Variants in KCTD1 observed in about 807,000 individuals in gnomAD.
KCTD1 encodes the protein potassium channel tetramerization domain containing 1.
KCTD1 carries 24 observed loss-of-function variants against 66.0 expected under a neutral mutation model. That is an observed-to-expected ratio of 0.36 (90% CI 0.26 to 0.51). The LOEUF (loss-of-function observed/expected upper bound fraction) is 0.51, where lower values mean the gene tolerates loss of function less well. KCTD1 is among the 20% of genes least tolerant of loss of function. The pLI is 0.95. For synonymous variants in KCTD1, 511 were observed against 517.2 expected, an observed-to-expected ratio of 0.99 and a Z score of 0.16; for missense variants, 943 against 1,205.2, an observed-to-expected ratio of 0.78 and a Z score of 3.22.
chr18:26,548,715 A>C, upstream of KCTD1: 34 of 498,962 alleles, frequency 6.8e-5, no homozygotes, highest in East Asian at 4.9e-4. Flanking sequence ...CGCGCAGGGG[A>C]TGGAGGGGAG....
chr18:26,632,214 C>A (rs1987636193), upstream of KCTD1, among the ~76,000 whole-genome samples: 1 of 151,828 alleles, frequency 6.6e-6, no homozygotes, highest in South Asian at 2.1e-4. Flanking sequence ...GTGAAACCCC[C>A]TCTCTACTAA....
chr18:26,627,262 T>TTGTGTG (rs59902249), intron 1 of KCTD1, among the ~76,000 whole-genome samples: 2,101 of 146,004 alleles, frequency 0.014, 33 homozygotes, highest in African/African-American at 0.037. Flanking sequence ...CTTCTGGGTT[T>TTGTGTG]TGTGTGTGTG....
intron 3 of KCTD1, among the ~76,000 whole-genome samples, chr18:26,473,455 CAA>C (rs1981176263): frequency 1.3e-5 from 2 of 151,996 alleles, no homozygotes; most frequent in African/African-American, 4.8e-5. Flanking sequence ...CTAATGCATG[CAA>C]GGCTTAATAC....
intron 1 of KCTD1, among the ~76,000 whole-genome samples, chr18:26,570,296 T>G (rs1040141498): frequency 2.0e-5 from 3 of 151,746 alleles, no homozygotes; most frequent in African/African-American, 7.3e-5. Flanking sequence ...AAAAGGCTTC[T>G]CATTGGGGGA....
chr18:26,565,630 G>C lies in KCTD1; in HGVS notation c.-16+63517C>G, dbSNP rs188460182. On this transcript the variant is annotated intron_variant, in intron 1 of 4. Transcript: ENST00000317932. Reference sequence around the variant, plus strand: ...CTTACTTTTCTGGATGAATTAGACTGTCTTTAATTTGCTGCTTGATGCTTG... The same window carrying C: ...CTTACTTTTCTGGATGAATTAGACTCTCTTTAATTTGCTGCTTGATGCTTG... 1.7e-3 allele frequency: 263 copies of C among 151,934 alleles called. 2 individuals carry two copies. Among genetic ancestry groups the C allele is most frequent in the African/African-American group, 5.7e-3 (237 of 41,450 alleles). The allele number at this position is 151,934 out of a possible 1,614,324, so 9.4% of individuals were successfully genotyped here. A position where few individuals can be genotyped will look rare whatever the true frequency, so the allele number is the denominator to read the frequency against.
At chr18:26,549,229 G>A (rs981653435), upstream of KCTD1, 46 of 986,362 alleles carry the variant, frequency 4.7e-5, no homozygotes, top group African/African-American at 7.7e-4. Flanking sequence ...CGGCGGCGGC[G>A]GCTCCCCCAC....
chr18:26,490,195 T>G (rs1982124974), intron 2 of KCTD1, among the ~76,000 whole-genome samples: 1 of 152,184 alleles, frequency 6.6e-6, no homozygotes. Context: ...CTCACCACCT[T>G]TCTCTGCAGC....
intron 2 of KCTD1, among the ~76,000 whole-genome samples, chr18:26,491,986 C>T (rs559498929): frequency 2.6e-5 from 4 of 152,138 alleles, no homozygotes; most frequent in African/African-American, 9.7e-5. Context: ...GTGGCTGATG[C>T]CTATAACCCT....
At chr18:26,616,203 A>G (rs1200790719) in intron 1 of KCTD1, among the ~76,000 whole-genome samples, 1 of 148,044 alleles carries the variant, frequency 6.8e-6, no homozygotes, top group Non-Finnish European at 1.5e-5. Context: ...GGAATTAACC[A>G]TACTCTACAG....
At chr18:26,531,652 T>C (rs1270958056) in intron 1 of KCTD1, among the ~76,000 whole-genome samples, 1 of 152,176 alleles carries the variant, frequency 6.6e-6, no homozygotes, top group African/African-American at 2.4e-5. Flanking sequence ...TTTGCCAGGG[T>C]AGAATCATAG....
At chr18:26,636,347 A>G (rs536836042) in intron 1 of KCTD1, among the ~76,000 whole-genome samples, 1 of 152,256 alleles carries the variant, frequency 6.6e-6, no homozygotes, top group Admixed American at 6.5e-5. Context: ...ATGTTCCCTT[A>G]GGAACATCAC....
At chr18:26,522,315 A>C (rs1009336438) in intron 1 of KCTD1, among the ~76,000 whole-genome samples, 1 of 152,194 alleles carries the variant, frequency 6.6e-6, no homozygotes, top group African/African-American at 2.4e-5. Context: ...CGTGAGCTTC[A>C]AGGCAGAGAT....
At chr18:26,509,955 A>G (rs1272052405) in intron 1 of KCTD1, among the ~76,000 whole-genome samples, 1 of 152,252 alleles carries the variant, frequency 6.6e-6, no homozygotes, top group Non-Finnish European at 1.5e-5. Flanking sequence ...ATGGCAGTAG[A>G]TGAGACAGTG....
intron 1 of KCTD1, among the ~76,000 whole-genome samples, chr18:26,510,293 A>G (rs1983269013): frequency 6.6e-6 from 1 of 152,242 alleles, no homozygotes; most frequent in South Asian, 2.1e-4. Flanking sequence ...CAGTAGGTTC[A>G]CGAAATGGCA....
chr18:26,600,172 C>T, intron 1 of KCTD1: 1 of 1,604,282 alleles, frequency 6.2e-7, no homozygotes, highest in Non-Finnish European at 8.5e-7. Context: ...TGCCAAAGAA[C>T]TGGAAAAAGA....
chr18:26,589,955 C>A (rs986525993), intron 1 of KCTD1, among the ~76,000 whole-genome samples: 1 of 152,134 alleles, frequency 6.6e-6, no homozygotes, highest in Non-Finnish European at 1.5e-5. Flanking sequence ...ACCTTGTGAG[C>A]ACAAGGGGAG....
At chr18:26,460,005 T>C in intron 3 of KCTD1, 80 bp from the exon 4 acceptor site, 1 of 1,100,744 alleles carries the variant, frequency 9.1e-7, no homozygotes, top group Non-Finnish European at 1.3e-6. Context: ...AGGTGATTTT[T>C]TTCCACTTCT....
intron 2 of KCTD1, among the ~76,000 whole-genome samples, chr18:26,483,894 G>C (rs1357053762): frequency 1.3e-5 from 2 of 152,136 alleles, no homozygotes; most frequent in Non-Finnish European, 2.9e-5. Flanking sequence ...GCTGAGATGA[G>C]AGAGGAATGA....
At chr18:26,637,082 G>A (rs1224048978) in intron 1 of KCTD1, among the ~76,000 whole-genome samples, 1 of 152,152 alleles carries the variant, frequency 6.6e-6, no homozygotes, top group East Asian at 1.9e-4. Flanking sequence ...CAGACCCCTC[G>A]TGTTTGTGCT....
Sources: allele counts gnomAD v4.1 joint callset (sites outside exome capture counted in the v4.1 genomes callset), GRCh38; gene constraint gnomAD v4.1.1; transcripts MANE v1.5; gene names NCBI Gene and HGNC (gene_info 2026-07-23, HGNC 2026-07-21).